Variants in PCDHGA4 observed in about 807,000 individuals in gnomAD.
PCDHGA4 encodes the protein protocadherin gamma-A4.
Under a neutral mutation model 54.6 loss-of-function variants are expected in PCDHGA4, and 38 were observed. The observed-to-expected ratio is 0.70, with a 90% CI of 0.54 to 0.91. The LOEUF is 0.91. Ranked by LOEUF, PCDHGA4 falls within the 40% of genes least tolerant of loss-of-function variation. The pLI is 0.00. For missense variants in PCDHGA4, 1,298 were observed against 1,220.9 expected (o/e 1.06, Z -0.94); for synonymous variants, 511 against 512.9 (o/e 1.00, Z 0.05).
rs1391017504 is a variant in PCDHGA4 at position 141,490,732 on chromosome 5, G to GTTCAGGGAGCCCCAGCCTCCTCCT, written c.2515-4072_2515-4049dup. 6.2e-7 allele frequency: 1 copy of GTTCAGGGAGCCCCAGCCTCCTCCT among 1,614,070 alleles called. No individual in the cohort carries two copies. Among genetic ancestry groups the GTTCAGGGAGCCCCAGCCTCCTCCT allele is most frequent in the Non-Finnish European group, 8.5e-7 (1 of 1,180,050 alleles). On this transcript the variant is annotated intron_variant, in intron 1 of 3. Coordinates refer to ENST00000571252, the MANE Select transcript of PCDHGA4 (RefSeq NM_018917.4). This position sits in a 1 kb window ranked among gnomAD's most constrained non-coding sequence, Gnocchi z 5.4. ...CACCTACTCCATTGTAGGAAATCAG[G>GTTCAGGGAGCCCCAGCCTCCTCCT]TTCAGGGAGCCCCAGCCTCCTCCTT...
At chr5:141,387,999 G>A (rs923312530) in intron 1 of PCDHGA4, 2 of 1,487,266 alleles carry the variant, frequency 1.3e-6, no homozygotes, top group Non-Finnish European at 1.8e-6. Flanking sequence ...CAGGATTCCC[G>A]AGGAAATGCC....
intron 1 of PCDHGA4, among the ~76,000 whole-genome samples, chr5:141,460,120 A>C (rs1404213559): frequency 1.3e-5 from 2 of 151,956 alleles, no homozygotes; most frequent in Non-Finnish European, 2.9e-5. Flanking sequence ...ATTTTTATAT[A>C]TGTAATATAT....
At chr5:141,450,932 C>G (rs868373954) in intron 1 of PCDHGA4, among the ~76,000 whole-genome samples, 1 of 151,134 alleles carries the variant, frequency 6.6e-6, no homozygotes, top group Admixed American at 6.6e-5. Context: ...TCAAGCAATT[C>G]TCCTACCTCA....
chr5:141,485,441 A>T lies in PCDHGA4; in HGVS notation c.2515-9366A>T. On this transcript the variant is annotated intron_variant, in intron 1 of 3. Coordinates refer to ENST00000571252, the MANE Select transcript of PCDHGA4 (RefSeq NM_018917.4). The surrounding 1 kb of genome is among the most constrained non-coding windows in gnomAD (Gnocchi z 5.7). ...CGGAGCCCTGCTCATCAAGAACCCA[A>T]TCGACCGAGAGGCACTGTGTGGGCT... is the stretch of plus-strand genomic sequence containing the variant. The T allele has an allele frequency of 6.2e-7, 1 of 1,613,910 alleles. No homozygotes were observed. The highest frequency in any genetic ancestry group is 1.1e-5 in the South Asian group (1 of 91,062).
chr5:141,390,534 A>C (rs2092170785), intron 1 of PCDHGA4: 1 of 525,162 alleles, frequency 1.9e-6, no homozygotes, highest in Non-Finnish European at 3.3e-6. Context: ...TGTGGTTTTA[A>C]CCACAAAGTG....
intron 1 of PCDHGA4, chr5:141,423,674 C>A (rs57195665): frequency 0.087 from 131,432 of 1,514,090 alleles, 6,254 homozygotes; most frequent in East Asian, 0.14. Flanking sequence ...AGATTTATTT[C>A]TCTGCCTCCT....
At chr5:141,377,605 C>CAAAA (rs71576112) in intron 1 of PCDHGA4, 1 of 140,670 alleles carries the variant, frequency 7.1e-6, no homozygotes. Flanking sequence ...CTCTCTCTCT[C>CAAAA]AAAAAAAAAA....
intron 1 of PCDHGA4, among the ~76,000 whole-genome samples, chr5:141,469,102 A>G (rs1423904196): frequency 6.6e-6 from 1 of 151,626 alleles, no homozygotes; most frequent in East Asian, 1.9e-4. Flanking sequence ...CAAAGCAAGA[A>G]CCTGTCTCTA....
At chr5:141,361,830 C>G (rs760465689) in intron 1 of PCDHGA4, 4 of 1,612,982 alleles carry the variant, frequency 2.5e-6, no homozygotes, top group East Asian at 2.2e-5. Context: ...TGCTGTACCC[C>G]GCGCTGGGGC....
intron 1 of PCDHGA4, among the ~76,000 whole-genome samples, chr5:141,474,227 G>A (rs1394834744): frequency 6.6e-6 from 1 of 152,190 alleles, no homozygotes; most frequent in Non-Finnish European, 1.5e-5. Flanking sequence ...TGTGAATTAA[G>A]TGATGCTGAA....
chr5:141,383,369 C>G, intron 1 of PCDHGA4: 1 of 1,613,978 alleles, frequency 6.2e-7, no homozygotes, highest in Non-Finnish European at 8.5e-7. Flanking sequence ...TTAAGCGAGG[C>G]TGGGGATCCA....
intron 1 of PCDHGA4, chr5:141,385,250 G>C (rs1448897004): frequency 6.2e-7 from 1 of 1,613,820 alleles, no homozygotes. Context: ...AGCCAGGAGA[G>C]CTGTGAGAAA....
intron 1 of PCDHGA4, chr5:141,414,361 T>G: frequency 6.2e-7 from 1 of 1,613,876 alleles, no homozygotes; most frequent in Non-Finnish European, 8.5e-7. Context: ...GTATCTACCA[T>G]TTAAATTAGA....
intron 1 of PCDHGA4, chr5:141,361,324 T>G (rs767058928): frequency 6.2e-7 from 1 of 1,613,936 alleles, no homozygotes. Context: ...TTTGAAATCT[T>G]CCTCAAAGAA....
intron 1 of PCDHGA4, chr5:141,370,878 G>C (rs906619365): frequency 3.7e-6 from 6 of 1,613,918 alleles, no homozygotes; most frequent in Non-Finnish European, 5.1e-6. Flanking sequence ...AGATCCTGAT[G>C]TAGGTGTCAA....
intron 1 of PCDHGA4, chr5:141,371,387 T>A: frequency 6.2e-7 from 1 of 1,613,964 alleles, no homozygotes; most frequent in Non-Finnish European, 8.5e-7. Flanking sequence ...CTGCATATTG[T>A]AAAGTACAGA....
At chr5:141,408,378 TG>T (rs780092463) in intron 1 of PCDHGA4, 2 of 1,614,002 alleles carry the variant, frequency 1.2e-6, no homozygotes, top group Admixed American at 1.7e-5. Flanking sequence ...CTCAGTGTCC[TG>T]GATGTGTCGG....
At chr5:141,475,910 G>A in intron 1 of PCDHGA4, 1 of 588,414 alleles carries the variant, frequency 1.7e-6, no homozygotes, top group South Asian at 2.3e-5. Context: ...GTCGGCCAAT[G>A]AAGACGCTGG....
chr5:141,486,823 A>G lies in PCDHGA4; in HGVS notation c.2515-7984A>G, dbSNP rs778308736. On this transcript the variant is annotated intron_variant, in intron 1 of 3. Coordinates refer to ENST00000571252, the MANE Select transcript of PCDHGA4 (RefSeq NM_018917.4). The surrounding 1 kb of genome is among the most constrained non-coding windows in gnomAD (Gnocchi z 5.0). Reference sequence around the variant, plus strand: ...ACCCACCCCTTAGCAGCACTGTAACAGTTCGTCTATTTGTGCTGGACCTCA... The same window carrying G: ...ACCCACCCCTTAGCAGCACTGTAACGGTTCGTCTATTTGTGCTGGACCTCA... 1.2e-6 allele frequency: 2 copies of G among 1,614,104 alleles called. No individual in the cohort carries two copies. Among genetic ancestry groups the G allele is most frequent in the Admixed American group, 1.7e-5 (1 of 60,008 alleles).
Sources: allele counts gnomAD v4.1 joint callset (sites outside exome capture counted in the v4.1 genomes callset), GRCh38; gene constraint gnomAD v4.1.1; non-coding constraint Gnocchi (gnomAD v3.1); transcripts MANE v1.5; gene names NCBI Gene and HGNC (gene_info 2026-07-23, HGNC 2026-07-21).